WNT2B: variants seen among roughly 807,000 people sequenced by gnomAD.
WNT2B encodes Wnt family member 2B, also known as protein Wnt-2b.
In WNT2B, 19 loss-of-function variants were observed where a neutral mutation model predicts 40.5. The ratio of observed to expected loss-of-function variants is 0.47; its 90% CI spans 0.33 to 0.69. The LOEUF (loss-of-function observed/expected upper bound fraction) is 0.69, where lower values mean the gene tolerates loss of function less well. Among genes scored for constraint, WNT2B ranks in the 30% least tolerant of loss-of-function variants. The pLI, the probability that WNT2B is intolerant of heterozygous loss-of-function variation, is 0.02. For missense variants in WNT2B, 467 were observed against 556.4 expected (o/e 0.84, Z 1.62); for synonymous variants, 220 against 211.9 (o/e 1.04, Z -0.33).
intron 1 of WNT2B, among the ~76,000 whole-genome samples, chr1:112,502,524 C>G (rs916270908): frequency 2.6e-5 from 4 of 152,216 alleles, no homozygotes; most frequent in Admixed American, 6.5e-5. Context: ...GCAAGAGAGA[C>G]CTCTCCAAAG....
At position 112,509,287 on chromosome 1, in the gene WNT2B, G is replaced by A. The variant is rs36006679; in HGVS notation, c.25G>A (p.Glu9Lys). Residue 9 changes from glutamate (E) to lysine (K), a missense_variant, in exon 1 of 5, where the codon GAA (glutamate) becomes AAA (lysine). Physicochemically the swap from Glu to Lys is moderately conservative, Grantham distance 56 (BLOSUM62 1). Coordinates refer to ENST00000369684, the MANE Select transcript of WNT2B (RefSeq NM_024494.3). The surrounding 1 kb of genome is among the most constrained non-coding windows in gnomAD (Gnocchi z 4.2). ...TATGCTGAGACCGGGTGGTGCGGAG[G>A]AAGCTGCGCAGCTCCCGCTTCGGCG... MLRPGGAE[E>K]AAQLPLRRAS... The A allele has an allele frequency of 0.017, 26,664 of 1,541,958 alleles. 305 individuals carry two copies. Among genetic ancestry groups the A allele is most frequent in the Non-Finnish European group, 0.02 (23,274 of 1,149,584 alleles).
intron 1 of WNT2B, among the ~76,000 whole-genome samples, chr1:112,478,510 G>A (rs530044148): frequency 6.6e-6 from 1 of 152,212 alleles, no homozygotes; most frequent in South Asian, 2.1e-4. Flanking sequence ...GGGACTATTG[G>A]AAGATTTCTC....
intron 1 of WNT2B, chr1:112,491,023 T>G: frequency 6.2e-7 from 1 of 1,614,166 alleles, no homozygotes; most frequent in East Asian, 2.2e-5. Context: ...TGAAGGATCC[T>G]TGAGGACGGC....
upstream of WNT2B, chr1:112,508,652 C>A (rs1652207330): frequency 1.1e-6 from 1 of 948,264 alleles, no homozygotes; most frequent in Non-Finnish European, 1.3e-6. The surrounding 1 kb of genome is among the most constrained non-coding windows in gnomAD (Gnocchi z 4.2). Flanking sequence ...GCTCCGCCAG[C>A]CTGGCCGTCA....
At position 112,497,485 on chromosome 1, in the gene WNT2B, G is replaced by T. The variant is rs542721479; in HGVS notation, c.-94-17389G>T. ...ATAGCAAAGATTTTAAATGGCCCTG[G>T]GCAGGAAATCCTGAGGTCTCACAGG... On this transcript the variant is annotated intron_variant, in intron 1 of 4. Transcript: ENST00000256640. 2.6e-5 allele frequency among the ~76,000 whole-genome samples: 4 copies of T among 152,290 alleles called. No homozygotes were observed. The South Asian group carries it at 8.3e-4, about 32-fold the overall frequency.
upstream of WNT2B, chr1:112,508,717 C>G: frequency 1.0e-6 from 1 of 985,856 alleles, no homozygotes. The surrounding 1 kb of genome is among the most constrained non-coding windows in gnomAD (Gnocchi z 4.2). Context: ...GGCGCGGTGT[C>G]GGCAGGGACT....
In WNT2B at chr1:112,521,671, T is replaced by C. The variant is rs72699053; in HGVS notation, c.*1162T>C. ...CTTTATTTAGTGACTCTCCAAGTCC[T>C]AGTGATTATTATTATTGTTCACTCC... On this transcript the variant is annotated 3_prime_UTR_variant, in exon 5 of 5. Transcript: ENST00000369684. The C allele has an allele frequency of 7.8e-3, 1,180 of 152,212 alleles. 4 individuals carry two copies. Among genetic ancestry groups the C allele is most frequent in the Non-Finnish European group, 0.012 (812 of 68,032 alleles). 9.4% of individuals were successfully genotyped at this position (152,212 alleles called of 1,614,324 possible). A position where few individuals can be genotyped will look rare whatever the true frequency, so the allele number is the denominator to read the frequency against.
intron 1 of WNT2B, among the ~76,000 whole-genome samples, chr1:112,478,252 T>G (rs1257708669): frequency 1.4e-5 from 2 of 146,590 alleles, no homozygotes; most frequent in Admixed American, 6.8e-5. Context: ...AGAGAGAAAA[T>G]AAAAAAGAAA....
upstream of WNT2B, among the ~76,000 whole-genome samples, chr1:112,506,543 A>T (rs921201103): frequency 1.3e-5 from 2 of 152,168 alleles, no homozygotes; most frequent in African/African-American, 2.4e-5. Flanking sequence ...CCCAGGTCTA[A>T]ACACACAGGG....
intron 1 of WNT2B, among the ~76,000 whole-genome samples, chr1:112,497,314 G>A (rs1282726484): frequency 1.3e-5 from 2 of 152,216 alleles, no homozygotes; most frequent in Non-Finnish European, 1.5e-5. Flanking sequence ...GGTTGTCTGA[G>A]GCATCCTTTC....
intron 1 of WNT2B, among the ~76,000 whole-genome samples, chr1:112,499,039 C>G (rs778563740): frequency 2.9e-4 from 44 of 152,238 alleles, no homozygotes; most frequent in Non-Finnish European, 5.7e-4. Context: ...AACCCCATCT[C>G]TACTAAAAAT....
chr1:112,491,143 C>T (rs1651589754), intron 1 of WNT2B: 1 of 1,491,438 alleles, frequency 6.7e-7, no homozygotes, highest in African/African-American at 1.4e-5. Context: ...TGCACGGTGG[C>T]TCGTGCCTGT....
In WNT2B at chr1:112,525,934, G is replaced by T; in HGVS notation, c.*5425G>T. The T allele has an allele frequency of 6.3e-7, 1 of 1,588,806 alleles. No homozygotes were observed. Among genetic ancestry groups the T allele is most frequent in the East Asian group, 2.2e-5 (1 of 44,446 alleles). ...GTAATCCTCACAACAACCCTGTGAG[G>T]TAGGGGTTACTGTCACTTTACAGAT... On this transcript the variant is annotated 3_prime_UTR_variant, in exon 5 of 5. Transcript: ENST00000369684.
intron 1 of WNT2B, among the ~76,000 whole-genome samples, chr1:112,484,228 T>G (rs1164449299): frequency 3.5e-5 from 5 of 142,528 alleles, no homozygotes; most frequent in Non-Finnish European, 7.5e-5. Flanking sequence ...CACATATATA[T>G]ATACACATAT....
chr1:112,479,704 T>A (rs1651163748), intron 1 of WNT2B, among the ~76,000 whole-genome samples: 1 of 151,908 alleles, frequency 6.6e-6, no homozygotes, highest in Non-Finnish European at 1.5e-5. Context: ...GAAGTTAAGT[T>A]TTTTTGTTGT....
At chr1:112,512,898 G>C (rs924064566) in intron 1 of WNT2B, among the ~76,000 whole-genome samples, 1 of 152,198 alleles carries the variant, frequency 6.6e-6, no homozygotes, top group Admixed American at 6.5e-5. Context: ...GGTGGTAATA[G>C]AGACATTTAA....
upstream of WNT2B, among the ~76,000 whole-genome samples, chr1:112,507,949 G>A (rs529050083): frequency 7.5e-4 from 114 of 152,262 alleles, 1 homozygote; most frequent in African/African-American, 2.6e-3. Context: ...TTGAGGGTTG[G>A]GGTGGTGGGG....
chr1:112,483,597 A>G (rs1279784608), intron 1 of WNT2B, among the ~76,000 whole-genome samples: 6 of 152,162 alleles, frequency 3.9e-5, no homozygotes, highest in Non-Finnish European at 8.8e-5. Context: ...TGACACAAAA[A>G]GCACAAGCAA....
chr1:112,496,879 G>T (rs1338048346), intron 1 of WNT2B, among the ~76,000 whole-genome samples: 1 of 152,200 alleles, frequency 6.6e-6, no homozygotes, highest in Non-Finnish European at 1.5e-5. Context: ...GATTACAGGC[G>T]TGAGCCACTG....
Sources: allele counts gnomAD v4.1 joint callset (sites outside exome capture counted in the v4.1 genomes callset), GRCh38; gene constraint gnomAD v4.1.1; non-coding constraint Gnocchi (gnomAD v3.1); transcripts MANE v1.5; gene names NCBI Gene and HGNC (gene_info 2026-07-23, HGNC 2026-07-21).